Variants in ARMC9 observed in about 807,000 individuals in gnomAD.
The protein encoded by ARMC9 is armadillo repeat containing 9.
ARMC9 carries 94 observed loss-of-function variants against 107.0 expected under a neutral mutation model. That is an observed-to-expected ratio of 0.88 (90% CI 0.74 to 1.04). ARMC9 has a LOEUF of 1.04. Ranked by LOEUF, ARMC9 falls within the 50% of genes least tolerant of loss-of-function variation. ARMC9 has a pLI of 0.00. For synonymous variants in ARMC9, 380 were observed against 396.9 expected, an observed-to-expected ratio of 0.96 and a Z score of 0.51; for missense variants, 942 against 1,030.1, an observed-to-expected ratio of 0.91 and a Z score of 1.17.
At chr2:231,223,568 A>G (rs916190451) in intron 6 of ARMC9, among the ~76,000 whole-genome samples, 6 of 152,206 alleles carry the variant, frequency 3.9e-5, no homozygotes, top group Non-Finnish European at 8.8e-5. Flanking sequence ...GAATGGTAAA[A>G]TTGGTCACTG....
At chr2:231,239,369 A>T (rs764197980) in intron 8 of ARMC9, among the ~76,000 whole-genome samples, 13 of 152,202 alleles carry the variant, frequency 8.5e-5, no homozygotes, top group Non-Finnish European at 1.8e-4. Context: ...GCTCAGCCGC[A>T]CGTTGTCGAG....
intron 19 of ARMC9, among the ~76,000 whole-genome samples, chr2:231,330,481 G>T (rs912262348): frequency 6.6e-6 from 1 of 152,130 alleles, no homozygotes; most frequent in Admixed American, 6.5e-5. Flanking sequence ...CCCCAGGAAG[G>T]GTGTGAGGGG....
intron 18 of ARMC9, chr2:231,295,701 T>C (rs962485060): frequency 1.3e-5 from 2 of 152,532 alleles, no homozygotes; most frequent in African/African-American, 4.8e-5. Flanking sequence ...CCACCACCCA[T>C]ACCGCCCGTG....
At chr2:231,265,764 T>C (rs572773973) in intron 12 of ARMC9, among the ~76,000 whole-genome samples, 134 of 151,796 alleles carry the variant, frequency 8.8e-4, no homozygotes, top group African/African-American at 2.8e-3. Context: ...CCCAGCACTT[T>C]GGGAGGCCTG....
chr2:231,290,553 C>T lies in ARMC9; in HGVS notation c.1627-800C>T, dbSNP rs558814574. 4.6e-5 allele frequency among the ~76,000 whole-genome samples: 7 copies of T among 152,258 alleles called. No individual in the cohort carries two copies. In the East Asian group the frequency reaches 7.7e-4, roughly 17 times the overall value. On this transcript the variant is annotated intron_variant, in intron 17 of 24. Coordinates refer to ENST00000611582, the MANE Select transcript of ARMC9 (RefSeq NM_001352754.2). ...TTCCCCTCACAGTGGTTAGAGGCCT[C>T]GTCAGCTCAAGCTGTATGGACTCAT...
At position 231,231,917 on chromosome 2, in the gene ARMC9, G is replaced by C. The variant is rs371478785; in HGVS notation, c.623-3307G>C. 2.0e-5 allele frequency among the ~76,000 whole-genome samples: 3 copies of C among 151,990 alleles called. No homozygotes were observed. The East Asian group carries it at 5.8e-4, about 29-fold the overall frequency. The stretch of plus-strand genomic sequence containing the variant: ...TTGGCCAGGCTTGTGTCGAACTCCC[G>C]ACCTCAGGTGATCTGCCTGCCTTGG... On this transcript the variant is annotated intron_variant, in intron 7 of 24. Transcript: ENST00000611582.
intron 19 of ARMC9, among the ~76,000 whole-genome samples, chr2:231,308,097 A>G (rs1435880185): frequency 6.6e-6 from 1 of 152,220 alleles, no homozygotes; most frequent in East Asian, 1.9e-4. Context: ...TTGTGAGCCC[A>G]AGAGACGTGA....
intron 17 of ARMC9, among the ~76,000 whole-genome samples, chr2:231,288,064 T>A (rs144861772): frequency 1.2e-4 from 19 of 152,312 alleles, no homozygotes; most frequent in African/African-American, 3.8e-4. Flanking sequence ...ATCTGTAAGA[T>A]GAGGATTATT....
At chr2:231,226,720 C>A in intron 6 of ARMC9, 54 bp from the exon 7 acceptor site, 1 of 1,591,228 alleles carries the variant, frequency 6.3e-7, no homozygotes, top group Non-Finnish European at 8.6e-7. Context: ...ATGTCCGATA[C>A]CCCAAGTACC....
chr2:231,328,814 C>CTTTCTTTTTTTTTTTTTTTTTTTT (rs2043511577), intron 19 of ARMC9, among the ~76,000 whole-genome samples: 1 of 127,342 alleles, frequency 7.9e-6, no homozygotes, highest in African/African-American at 2.9e-5. Flanking sequence ...CTTTTCTTTT[C>CTTTCTTTTTTTTTTTTTTTTTTTT]TTTTCTTTTT....
intron 1 of ARMC9, among the ~76,000 whole-genome samples, chr2:231,203,526 C>T (rs2125300998): frequency 6.6e-6 from 1 of 152,274 alleles, no homozygotes; most frequent in African/African-American, 2.4e-5. Flanking sequence ...GTAGAGCAGG[C>T]AACATGCATA....
At chr2:231,350,782 A>G (rs1371237917) in intron 21 of ARMC9, among the ~76,000 whole-genome samples, 2 of 151,628 alleles carry the variant, frequency 1.3e-5, no homozygotes, top group African/African-American at 4.8e-5. Flanking sequence ...TGATGATCTC[A>G]ATGGGCATGC....
intron 12 of ARMC9, among the ~76,000 whole-genome samples, chr2:231,267,261 C>T (rs917587261): frequency 2.0e-5 from 3 of 152,046 alleles, no homozygotes; most frequent in Non-Finnish European, 2.9e-5. Flanking sequence ...GAGACAGTCT[C>T]GCTCTGTCAC....
chr2:231,344,289 T>C (rs1015868758), intron 20 of ARMC9, among the ~76,000 whole-genome samples: 3 of 152,232 alleles, frequency 2.0e-5, no homozygotes, highest in African/African-American at 7.2e-5. Flanking sequence ...TTTTAAACTA[T>C]TGGGAGCAGT....
chr2:231,346,246 G>A (rs1442314136), intron 21 of ARMC9, among the ~76,000 whole-genome samples: 2 of 152,186 alleles, frequency 1.3e-5, no homozygotes, highest in African/African-American at 4.8e-5. Flanking sequence ...AGATGGCCAG[G>A]CGTGGTGGCT....
intron 14 of ARMC9, 131 bp from the exon 15 acceptor site, chr2:231,276,505 G>C: frequency 8.1e-7 from 1 of 1,233,314 alleles, no homozygotes; most frequent in South Asian, 1.4e-5. Context: ...CCTGACCTCA[G>C]GTGATCCGTC....
At chr2:231,203,729 G>A (rs1182040135) in intron 1 of ARMC9, among the ~76,000 whole-genome samples, 1 of 152,182 alleles carries the variant, frequency 6.6e-6, no homozygotes, top group Admixed American at 6.5e-5. Flanking sequence ...GGAGGCCGAG[G>A]CAGGTGGATC....
At chr2:231,270,684 G>A (rs1266779336) in intron 12 of ARMC9, 5 of 551,992 alleles carry the variant, frequency 9.1e-6, no homozygotes, top group Non-Finnish European at 1.1e-5. Context: ...ATTCTAACCT[G>A]GAAAACAGCC....
At chr2:231,204,948 C>T (rs1000010498) in intron 1 of ARMC9, among the ~76,000 whole-genome samples, 6 of 151,906 alleles carry the variant, frequency 3.9e-5, no homozygotes, top group Admixed American at 6.6e-5. Context: ...ATCTGGAGGG[C>T]GCTGGAACCA....
Sources: gnomAD v4.1 joint callset for allele counts (sites outside exome capture counted in the v4.1 genomes callset) on GRCh38, gnomAD v4.1.1 for gene constraint, MANE v1.5 for transcripts, NCBI Gene and HGNC (gene_info 2026-07-23, HGNC 2026-07-21) for gene names.